VTI1A: variants seen among roughly 807,000 people sequenced by gnomAD.
The protein encoded by VTI1A is vesicle transport through interaction with t-SNAREs homolog 1A.
In VTI1A, 22 loss-of-function variants were observed where a neutral mutation model predicts 34.9. The observed-to-expected ratio is 0.63, with a 90% CI of 0.45 to 0.90. The LOEUF is 0.90. VTI1A is among the 40% of genes least tolerant of loss of function. VTI1A has a pLI of 0.00. For missense variants in VTI1A, 268 were observed against 275.6 expected (o/e 0.97, Z 0.20); for synonymous variants, 87 against 97.3 (o/e 0.89, Z 0.62).
intron 7 of VTI1A, among the ~76,000 whole-genome samples, chr10:112,704,103 C>G (rs1170006461): frequency 1.3e-5 from 2 of 152,152 alleles, no homozygotes. Flanking sequence ...TTCATAGTTT[C>G]ATAACTAATC....
At chr10:112,686,387 A>T (rs1416302728) in intron 7 of VTI1A, among the ~76,000 whole-genome samples, 1 of 152,170 alleles carries the variant, frequency 6.6e-6, no homozygotes, top group Non-Finnish European at 1.5e-5. Context: ...ATTAGGATCC[A>T]TGGAGAGGCA....
chr10:112,470,516 G>C (rs1390258238), intron 3 of VTI1A, among the ~76,000 whole-genome samples: 1 of 152,204 alleles, frequency 6.6e-6, no homozygotes, highest in East Asian at 1.9e-4. Context: ...TGGCTCTGCT[G>C]TTGGAGCCTG....
chr10:112,745,560 G>C (rs926921358), intron 7 of VTI1A, among the ~76,000 whole-genome samples: 1 of 152,124 alleles, frequency 6.6e-6, no homozygotes, highest in African/African-American at 2.4e-5. Context: ...GATTTAACCA[G>C]ACATGGAAAT....
chr10:112,685,748 G>A (rs527734521), intron 7 of VTI1A, among the ~76,000 whole-genome samples: 42 of 151,970 alleles, frequency 2.8e-4, no homozygotes, highest in Non-Finnish European at 4.6e-4. Flanking sequence ...TTTTCAAAAC[G>A]ACTTCTTGAA....
At chr10:112,544,155 A>G (rs1850981969) in intron 5 of VTI1A, among the ~76,000 whole-genome samples, 1 of 152,144 alleles carries the variant, frequency 6.6e-6, no homozygotes, top group Admixed American at 6.5e-5. Flanking sequence ...TTGTCTTGGC[A>G]ATGCGGGCTC....
At position 112,767,944 on chromosome 10, in the gene VTI1A, G is replaced by GCCGGACATGTATTACTTCC. The variant is rs1554959910; in HGVS notation, c.561-47339_561-47338insTGTATTACTTCCCCGGACA. On this transcript the variant is annotated intron_variant, in intron 7 of 7. Coordinates refer to ENST00000393077, the MANE Select transcript of VTI1A (RefSeq NM_145206.4). The surrounding 1 kb of genome is among the most constrained non-coding windows in gnomAD (Gnocchi z 4.0). ...GCCCAGAGGCACTAGTGTCACAGAAGCCGGACACGTATTACTTCCCCCTTG... is the reference window on the plus strand; with the variant it reads ...GCCCAGAGGCACTAGTGTCACAGAAGCCGGACATGTATTACTTCCCCGGACACGTATTACTTCCCCCTTG... 1.3e-5 allele frequency among the ~76,000 whole-genome samples: 2 copies of GCCGGACATGTATTACTTCC among 151,742 alleles called. No homozygotes were observed. The highest frequency in any genetic ancestry group is 4.9e-5 in the African/African-American group (2 of 41,206).
Position 112,447,456 on chromosome 10 carries a change from G to T in VTI1A, c.83G>T (p.Arg28Leu). 6.2e-7 allele frequency: 1 copy of T among 1,613,450 alleles called. No homozygotes were observed. The highest frequency in any genetic ancestry group is 1.1e-5 in the South Asian group (1 of 91,006). The change falls in exon 1 of 8, where the codon CGA (arginine) becomes CTA (leucine). Residue 28 changes from arginine to leucine, a missense_variant. Transcript: ENST00000393077. ...ACCAGCAAGATTGCGAGGGTCCCAC[G>T]ACTCCCGCCTGGTGAGAGCCTTGCC... The part of the protein sequence containing the change: ...EITSKIARVP[R>L]LPPDEKKQMV...
At chr10:112,478,711 A>G (rs1305493983) in intron 3 of VTI1A, among the ~76,000 whole-genome samples, 1 of 152,130 alleles carries the variant, frequency 6.6e-6, no homozygotes, top group Admixed American at 6.6e-5. Context: ...GAAATATGAT[A>G]TTACATATTA....
chr10:112,765,350 CA>C (rs1851612096), intron 7 of VTI1A, among the ~76,000 whole-genome samples: 1 of 152,164 alleles, frequency 6.6e-6, no homozygotes, highest in African/African-American at 2.4e-5. Context: ...GCTGAGATTA[CA>C]GGCGCCCGCC....
intron 7 of VTI1A, among the ~76,000 whole-genome samples, chr10:112,706,232 T>C (rs898983977): frequency 6.6e-6 from 1 of 152,206 alleles, no homozygotes; most frequent in African/African-American, 2.4e-5. Flanking sequence ...TTTAGTTATT[T>C]CAAAGCCTTT....
chr10:112,668,287 G>T lies in VTI1A; in HGVS notation c.497G>T (p.Arg166Ile). Residue 166 changes from arginine (R) to isoleucine (I), a missense_variant and splice_region_variant, in exon 6 of 8, where the codon AGA becomes ATA. Arg to Ile is a moderately conservative substitution (Grantham distance 97). Transcript: ENST00000393077. ...GAAAAGATACAGCGAGCACGTGAAA[G>T]AGTAAGTACAATTGATACAGTTTTT... Reference protein sequence around the residue: ...DREKIQRARERLRETDANLGK... With the variant: ...DREKIQRAREILRETDANLGK... 6.2e-7 allele frequency: 1 copy of T among 1,612,028 alleles called. No homozygotes were observed.
chr10:112,701,245 G>C (rs189144697), intron 7 of VTI1A, among the ~76,000 whole-genome samples: 14 of 152,308 alleles, frequency 9.2e-5, no homozygotes, highest in Non-Finnish European at 1.8e-4. Context: ...TTTGGACCCA[G>C]ATGCAGAAAC....
At chr10:112,652,693 C>G (rs923369058) in intron 5 of VTI1A, among the ~76,000 whole-genome samples, 1 of 132,980 alleles carries the variant, frequency 7.5e-6, no homozygotes, top group African/African-American at 2.9e-5. Flanking sequence ...TGCCAGTGCA[C>G]TCTAGCCTGG....
chr10:112,787,991 G>A (rs529433630), intron 7 of VTI1A, among the ~76,000 whole-genome samples: 22 of 151,580 alleles, frequency 1.5e-4, no homozygotes, highest in South Asian at 6.2e-4. Context: ...ATGAGCCACC[G>A]CGCCTGGCCA....
At chr10:112,474,219 A>G (rs1440037239) in intron 3 of VTI1A, among the ~76,000 whole-genome samples, 2 of 151,400 alleles carry the variant, frequency 1.3e-5, no homozygotes, top group African/African-American at 2.4e-5. Context: ...CCGCCACCAC[A>G]CCTGGCTAAT....
Position 112,815,412 on chromosome 10 carries a change from A to G in VTI1A, c.*29A>G. On this transcript the variant is annotated 3_prime_UTR_variant, in exon 8 of 8. Coordinates refer to ENST00000393077, the MANE Select transcript of VTI1A (RefSeq NM_145206.4). ...ATCTGCTCTCCCTTGATAAACAGCA[A>G]CAACAGCTTGTTCTGAGTAATTAAG... 1 of 1,573,536 alleles carries G rather than the reference A, an allele frequency of 6.4e-7. No individual in the cohort carries two copies. The highest frequency in any genetic ancestry group is 1.1e-5 in the South Asian group (1 of 90,138).
At chr10:112,507,230 G>A (rs1288281782) in intron 3 of VTI1A, among the ~76,000 whole-genome samples, 1 of 152,078 alleles carries the variant, frequency 6.6e-6, no homozygotes, top group Non-Finnish European at 1.5e-5. Flanking sequence ...CCAAATGCTG[G>A]CGCGTTTCCA....
intron 7 of VTI1A, among the ~76,000 whole-genome samples, chr10:112,701,436 A>G (rs1255195521): frequency 2.6e-5 from 4 of 152,238 alleles, no homozygotes; most frequent in Non-Finnish European, 4.4e-5. Context: ...TCATACAAAT[A>G]TCTGGCAACA....
chr10:112,830,849 A>ATATATATATATTTTTTTTTTTT, the VTI1A span, among the ~76,000 whole-genome samples: 15 of 33,496 alleles, frequency 4.5e-4, no homozygotes, highest in African/African-American at 2.2e-3. Context: ...ATATATATAT[A>ATATATATATATTTTTTTTTTTT]TTTTTTTTTT....
Sources: gnomAD v4.1 joint callset for allele counts (sites outside exome capture counted in the v4.1 genomes callset) on GRCh38, gnomAD v4.1.1 for gene constraint, Gnocchi (gnomAD v3.1) non-coding constraint, MANE v1.5 for transcripts, NCBI Gene and HGNC (gene_info 2026-07-23, HGNC 2026-07-21) for gene names.